The following FBXO30 variants were observed in gnomAD, a reference collection of about 807,000 sequenced individuals.
FBXO30 encodes the protein F-box protein 30, also known as F-box only protein 30.
A neutral mutation model predicts 58.1 loss-of-function variants in FBXO30; 21 were observed. The observed-to-expected ratio is 0.36, with a 90% CI of 0.26 to 0.52. The LOEUF is 0.52. FBXO30 is among the 20% of genes least tolerant of loss of function. The pLI is 0.93. For synonymous variants in FBXO30, 309 were observed against 312.4 expected (o/e 0.99, Z 0.11); for missense variants, 744 against 897.3 (o/e 0.83, Z 2.18).
chr6:145,814,406 C>T (rs987384398), intron 1 of FBXO30, among the ~76,000 whole-genome samples, 197 bp downstream of exon 1: 1 of 152,064 alleles, frequency 6.6e-6, no homozygotes, highest in Non-Finnish European at 1.5e-5. Context: ...TCTCAGGGCG[C>T]CCGGACGGCC....
Position 145,794,754 on chromosome 6 carries a change from A to T in FBXO30, c.*5352T>A, listed in dbSNP as rs1054383304. ...AATGCTGATACTTGTTAGATTCAGC[A>T]ATACTTGCTGATTTTTGAAGAAAAA... On this transcript the variant is annotated 3_prime_UTR_variant, in exon 3 of 3. Coordinates refer to ENST00000237281, the MANE Select transcript of FBXO30 (RefSeq NM_032145.5). 6.6e-6 allele frequency: 1 copy of T among 151,874 alleles called. No individual in the cohort carries two copies. Among genetic ancestry groups the T allele is most frequent in the Non-Finnish European group, 1.5e-5 (1 of 67,810 alleles). The allele number at this position is 151,874 out of a possible 1,614,324, so 9.4% of individuals were successfully genotyped here.
rs772251154 is a variant in FBXO30 at position 145,806,085 on chromosome 6, A to G, written c.321T>C (p.Tyr107=). ...CATCGACATCTCTGCTTAGATTTTCATATGATTTCCGGTCTGCATAACTAA... is the reference window on the plus strand; with the variant it reads ...CATCGACATCTCTGCTTAGATTTTCGTATGATTTCCGGTCTGCATAACTAA... ...WPVSYADRKS[Y]ENLSRDVDEV... The change falls in exon 2 of 3, where the codon TAT becomes TAC. Residue 107 remains tyrosine (Y), a synonymous_variant. Coordinates refer to ENST00000237281, the MANE Select transcript of FBXO30 (RefSeq NM_032145.5). The G allele has an allele frequency of 5.0e-6, 8 of 1,613,956 alleles. No homozygotes were observed. Among genetic ancestry groups the G allele is most frequent in the Non-Finnish European group, 6.8e-6 (8 of 1,180,002 alleles).
chr6:145,811,894 A>G (rs1778343412), intron 1 of FBXO30: 1 of 152,206 alleles, frequency 6.6e-6, no homozygotes, highest in South Asian at 2.1e-4. Flanking sequence ...CATCCCTTGT[A>G]AAGTCCAGAG....
At position 145,805,412 on chromosome 6, in the gene FBXO30, C is replaced by G; in HGVS notation, c.994G>C (p.Ala332Pro). The change falls in exon 2 of 3, where the codon GCG (alanine) becomes CCG (proline). Residue 332 changes from alanine to proline, a missense_variant. Around this residue, in one of 3 missense-constraint regions of FBXO30, gnomAD observed 275 missense variants for 262.0 expected, o/e 1.05. Transcript: ENST00000237281. ...ATTTCCCTAAGTTGTGCTGCCACCGCAAGTGAGCTGGAAGGTTTTGAAGTG... is the reference window on the plus strand; with the variant it reads ...ATTTCCCTAAGTTGTGCTGCCACCGGAAGTGAGCTGGAAGGTTTTGAAGTG... The part of the protein sequence containing the change: ...DGTSKPSSSL[A>P]VAAQLREIIP... 1 of 1,613,970 alleles carries G rather than the reference C, an allele frequency of 6.2e-7. No homozygotes were observed. Among genetic ancestry groups the G allele is most frequent in the Non-Finnish European group, 8.5e-7 (1 of 1,179,936 alleles).
chr6:145,804,999 A>T lies in FBXO30; in HGVS notation c.1407T>A (p.Ala469=), dbSNP rs1207557210. 9.3e-6 allele frequency: 15 copies of T among 1,613,810 alleles called. No individual in the cohort carries two copies. Among genetic ancestry groups the T allele is most frequent in the Non-Finnish European group, 8.5e-6 (10 of 1,179,948 alleles). ...QTFSLPSAIL[A]TSTMVGEIAS... ...CTATCTCCCCAACCATTGTACTTGT[A>T]GCTAATATTGCAGATGGAAGTGAAA... Residue 469 remains alanine, a synonymous_variant, in exon 2 of 3, where the codon GCT becomes GCA. Transcript: ENST00000237281.
Position 145,806,208 on chromosome 6 carries a change from T to C in FBXO30, c.198A>G (p.Gly66=), listed in dbSNP as rs1445625301. Residue 66 remains glycine, a synonymous_variant, in exon 2 of 3, where the codon GGA becomes GGG. Transcript: ENST00000237281. ...TATTTCGGGCCATGGTAAATGGACA[T>C]CCAAAGTCACTATTTAAGCAAGGCA... The part of the protein sequence containing the change: ...ERVPCLNSDF[G]CPFTMARNKV... The C allele has an allele frequency of 3.1e-6, 5 of 1,614,018 alleles. No homozygotes were observed. In the African/African-American group the frequency reaches 4.0e-5, roughly 13 times the overall value.
chr6:145,808,750 T>A (rs531669120), intron 1 of FBXO30, among the ~76,000 whole-genome samples: 3 of 152,326 alleles, frequency 2.0e-5, no homozygotes, highest in African/African-American at 7.2e-5. Flanking sequence ...TACATTGTAG[T>A]AGACAAGAAT....
Position 145,806,406 on chromosome 6 carries a change from A to C in FBXO30, c.-1T>G, listed in dbSNP as rs1778168936. 1 of 1,612,708 alleles carries C rather than the reference A, an allele frequency of 6.2e-7. No homozygotes were observed. Among genetic ancestry groups the C allele is most frequent in the Non-Finnish European group, 8.5e-7 (1 of 1,179,674 alleles). ...GGGAATGCTGCAGCTCCTCCTCCAT[A>C]ATGGCCAGTCCAGCTCTGGTTGATG... On this transcript the variant is annotated 5_prime_UTR_variant, in exon 2 of 3. The change creates a new upstream start codon in the 5' untranslated region. Transcript: ENST00000237281.
intron 1 of FBXO30, among the ~76,000 whole-genome samples, chr6:145,813,637 TTGAAATTTAGCAAA>T (rs1778397477): frequency 6.6e-6 from 1 of 151,992 alleles, no homozygotes; most frequent in South Asian, 2.1e-4. Context: ...ACAAACAGTA[TTGAAATTTAGCAAA>T]TGGAAATTAA....
intron 1 of FBXO30, among the ~76,000 whole-genome samples, chr6:145,808,459 C>A (rs1369194521): frequency 6.6e-6 from 1 of 152,112 alleles, no homozygotes; most frequent in Non-Finnish European, 1.5e-5. Flanking sequence ...TCCAGTCTTT[C>A]TCCTACCCTT....
Position 145,805,249 on chromosome 6 carries a change from G to A in FBXO30, c.1157C>T (p.Ala386Val), listed in dbSNP as rs982940203. The change falls in exon 2 of 3, where the codon GCT becomes GTT. Residue 386 changes from alanine to valine, a missense_variant. This residue lies in a region of FBXO30 where 275 missense variants were observed against 262.0 expected (regional missense o/e 1.05). Transcript: ENST00000237281. The part of the protein sequence containing the change: ...KNVDVLSFSH[A>V]PSFNFLSNSC... ...ATTAGAAAGAAAATTGAATGAAGGA[G>A]CATGACTGAAAGATAAGACATCCAC... 1.9e-6 allele frequency: 3 copies of A among 1,614,042 alleles called. No individual in the cohort carries two copies. The highest frequency in any genetic ancestry group is 2.7e-5 in the African/African-American group (2 of 75,058).
chr6:145,802,016 T>C (rs1778014362), intron 2 of FBXO30, among the ~76,000 whole-genome samples: 1 of 152,110 alleles, frequency 6.6e-6, no homozygotes, highest in Non-Finnish European at 1.5e-5. Flanking sequence ...GCATCAAATA[T>C]TTACTCAGTG....
chr6:145,796,845 T>A lies in FBXO30; in HGVS notation c.*3261A>T, dbSNP rs972774677. On this transcript the variant is annotated 3_prime_UTR_variant, in exon 3 of 3. Transcript: ENST00000237281. ...TATGGAAGTTTTGCTGAAAATCCTA[T>A]TATCAGCAACATTACTAAGATCCCA... 1 of 151,822 alleles carries A rather than the reference T, an allele frequency of 6.6e-6. No individual in the cohort carries two copies. Among genetic ancestry groups the A allele is most frequent in the African/African-American group, 2.4e-5 (1 of 41,374 alleles). The allele number at this position is 151,822 out of a possible 1,614,324, so 9.4% of individuals were successfully genotyped here. A position where few individuals can be genotyped will look rare whatever the true frequency, so the allele number is the denominator to read the frequency against.
chr6:145,809,455 C>T (rs1778274660), intron 1 of FBXO30, among the ~76,000 whole-genome samples: 2 of 152,168 alleles, frequency 1.3e-5, no homozygotes, highest in South Asian at 4.1e-4. Flanking sequence ...ACTGTACACA[C>T]CATCACATGA....
At chr6:145,802,666 G>A (rs1778039552) in intron 2 of FBXO30, among the ~76,000 whole-genome samples, 3 of 152,100 alleles carry the variant, frequency 2.0e-5, no homozygotes, top group Admixed American at 2.0e-4. Context: ...TGTAAGAATT[G>A]TATTTAAGAA....
chr6:145,807,388 A>G (rs1302277432), intron 1 of FBXO30, among the ~76,000 whole-genome samples: 1 of 152,228 alleles, frequency 6.6e-6, no homozygotes, highest in Non-Finnish European at 1.5e-5. Context: ...AGAGGCATTC[A>G]ATGCAGAAGT....
rs1025202708 is a variant in FBXO30 at position 145,806,097 on chromosome 6, G to T, written c.309C>A (p.Asp103Glu). The T allele has an allele frequency of 6.2e-7, 1 of 1,613,970 alleles. No individual in the cohort carries two copies. Among genetic ancestry groups the T allele is most frequent in the Non-Finnish European group, 8.5e-7 (1 of 1,179,964 alleles). The change falls in exon 2 of 3, where the codon GAC (aspartate) becomes GAA (glutamate). Residue 103 changes from aspartate to glutamate, a missense_variant. By Grantham distance (45) the Asp-to-Glu change is conservative. Transcript: ENST00000237281. ...TGCTTAGATTTTCATATGATTTCCGGTCTGCATAACTAACTGGCCATCGAT... is the reference window on the plus strand; with the variant it reads ...TGCTTAGATTTTCATATGATTTCCGTTCTGCATAACTAACTGGCCATCGAT... Reference protein sequence around the residue: ...EWNRWPVSYADRKSYENLSRD... With the variant: ...EWNRWPVSYAERKSYENLSRD...
At position 145,805,793 on chromosome 6, in the gene FBXO30, T is replaced by C. The variant is rs1778149595; in HGVS notation, c.613A>G (p.Arg205Gly). ...AALDILNTAT[R>G]DIGMLNTSVP... ...CTTGTATTTAACATGCCAATGTCTC[T>C]TGTAGCAGTATTCAGGATATCCAAA... is the stretch of plus-strand genomic sequence containing the variant. The change falls in exon 2 of 3, where the codon AGA (arginine) becomes GGA (glycine). Residue 205 changes from arginine (R) to glycine (G), a missense_variant. Arg to Gly is a moderately radical substitution (Grantham distance 125, BLOSUM62 -2). This residue lies in a region of FBXO30 where 275 missense variants were observed against 262.0 expected (regional missense o/e 1.05). Coordinates refer to ENST00000237281, the MANE Select transcript of FBXO30 (RefSeq NM_032145.5). The C allele has an allele frequency of 1.9e-6, 3 of 1,614,014 alleles. No individual in the cohort carries two copies. Among genetic ancestry groups the C allele is most frequent in the Non-Finnish European group, 2.5e-6 (3 of 1,180,008 alleles).
At position 145,806,855 on chromosome 6, in the gene FBXO30, A is replaced by G. The variant is rs113474409; in HGVS notation, c.-16-434T>C. Among the ~76,000 whole-genome samples, 627 of 152,326 alleles carry G rather than the reference A, an allele frequency of 4.1e-3. 2 individuals carry two copies. The highest frequency in any genetic ancestry group is 0.014 in the African/African-American group (595 of 41,570). ...ACATTTCAGAGATCTTGTATTACTA[A>G]AAGAACAATATGAATTTCATGAATA... On this transcript the variant is annotated intron_variant, in intron 1 of 2. Coordinates refer to ENST00000237281, the MANE Select transcript of FBXO30 (RefSeq NM_032145.5).
Sources: allele counts gnomAD v4.1 joint callset (sites outside exome capture counted in the v4.1 genomes callset), GRCh38; gene constraint gnomAD v4.1.1; regional missense constraint gnomAD v4.1.1; transcripts MANE v1.5; gene names NCBI Gene and HGNC (gene_info 2026-07-23, HGNC 2026-07-21).